ERN1: variants seen among roughly 807,000 people sequenced by gnomAD.
ERN1 encodes the protein endoplasmic reticulum to nucleus signaling 1, also known as serine/threonine-protein kinase/endoribonuclease IRE1.
A neutral mutation model predicts 113.1 loss-of-function variants in ERN1; 39 were observed. The observed-to-expected ratio is 0.34, with a 90% confidence interval of 0.27 to 0.45. The LOEUF is 0.45. Ranked by LOEUF, ERN1 falls within the 20% of genes least tolerant of loss-of-function variation. The probability of loss-of-function intolerance (pLI) is 1.00; values close to 1 mark genes in which losing one functional copy is unlikely to be tolerated. For synonymous variants in ERN1, 507 were observed against 515.9 expected (o/e 0.98, Z 0.23); for missense variants, 976 against 1,274.8 (o/e 0.77, Z 3.57).
chr17:64,055,647 A>G, intron 13 of ERN1, 28 bp downstream of exon 13: 2 of 1,539,158 alleles, frequency 1.3e-6, no homozygotes, highest in Non-Finnish European at 1.7e-6. Flanking sequence ...AAAACATAAA[A>G]TAGCACCAAG....
At chr17:64,089,428 C>A (rs185256519) in intron 2 of ERN1, among the ~76,000 whole-genome samples, 2 of 151,316 alleles carry the variant, frequency 1.3e-5, no homozygotes, top group Non-Finnish European at 2.9e-5. Context: ...TGAGCGCCAA[C>A]GTGATGTGCA....
intron 1 of ERN1, among the ~76,000 whole-genome samples, chr17:64,123,009 T>A (rs1204501456): frequency 3.9e-5 from 6 of 152,202 alleles, no homozygotes; most frequent in Non-Finnish European, 5.9e-5. Context: ...TATTACATTT[T>A]ATTTTTAATT....
chr17:64,101,736 G>C (rs1914389912), intron 1 of ERN1, among the ~76,000 whole-genome samples: 2 of 152,170 alleles, frequency 1.3e-5, no homozygotes, highest in African/African-American at 2.4e-5. Context: ...CAATAAGAAT[G>C]TATGCATCCA....
chr17:64,054,324 G>T lies in ERN1; in HGVS notation c.1879C>A (p.Arg627Ser). Residue 627 changes from arginine to serine, a missense_variant, in exon 15 of 22, where the codon CGC (arginine) becomes AGC (serine). Coordinates refer to ENST00000433197, the MANE Select transcript of ERN1 (RefSeq NM_001433.5). This position sits in a 1 kb window ranked among gnomAD's most constrained non-coding sequence, Gnocchi z 4.9. ...RESDEHPNVIRYFCTEKDRQF... is the reference protein window; with the variant it reads ...RESDEHPNVISYFCTEKDRQF... ...CGGTCCTTCTCCGTGCAGAAGTAGC[G>T]GATCACGTTCGGGTGCTCATCCGAT... The T allele has an allele frequency of 6.2e-7, 1 of 1,613,632 alleles. No individual in the cohort carries two copies.
intron 1 of ERN1, among the ~76,000 whole-genome samples, chr17:64,115,285 T>C (rs1009245913): frequency 6.6e-6 from 1 of 152,178 alleles, no homozygotes; most frequent in African/African-American, 2.4e-5. Context: ...TGGCTGACTC[T>C]TCTATTTCAA....
Position 64,060,188 on chromosome 17 carries a change from C to T in ERN1, c.1206+281G>A, listed in dbSNP as rs115252975. Among the ~76,000 whole-genome samples, 924 of 152,306 alleles carry T rather than the reference C, an allele frequency of 6.1e-3. 8 individuals carry two copies. Among genetic ancestry groups the T allele is most frequent in the African/African-American group, 0.021 (888 of 41,548 alleles). On this transcript the variant is annotated intron_variant, in intron 11 of 21. Coordinates refer to ENST00000433197, the MANE Select transcript of ERN1 (RefSeq NM_001433.5). ...GCTTTTGCCCTTGCTGTTCCATTCC[C>T]TCCTGTGCCCTCTTGCTCCCTCCAC...
rs539756429 is a variant in ERN1 at position 64,077,852 on chromosome 17, T to G, written c.282+1810A>C. Among the ~76,000 whole-genome samples, 36 of 152,192 alleles carry G rather than the reference T, an allele frequency of 2.4e-4. No homozygotes were observed. In the South Asian group the frequency reaches 7.5e-3, roughly 32 times the overall value. Reference sequence around the variant, plus strand: ...GCTCCACCTCCCGGGTTCACGCCATTTTCCTGCCTCAGCCTCCCAAGTAGC... The same window carrying G: ...GCTCCACCTCCCGGGTTCACGCCATGTTCCTGCCTCAGCCTCCCAAGTAGC... On this transcript the variant is annotated intron_variant, in intron 4 of 21. Coordinates refer to ENST00000433197, the MANE Select transcript of ERN1 (RefSeq NM_001433.5).
At chr17:64,101,965 T>C (rs749536768) in intron 1 of ERN1, among the ~76,000 whole-genome samples, 3 of 152,108 alleles carry the variant, frequency 2.0e-5, no homozygotes, top group Non-Finnish European at 2.9e-5. Flanking sequence ...CATTCTACAA[T>C]TGGTTTATGG....
intron 1 of ERN1, among the ~76,000 whole-genome samples, chr17:64,121,243 C>T (rs1914946606): frequency 6.6e-6 from 1 of 152,210 alleles, no homozygotes; most frequent in South Asian, 2.1e-4. Flanking sequence ...GGTGGCGCCT[C>T]TGCAAAGGCA....
intron 5 of ERN1, among the ~76,000 whole-genome samples, chr17:64,073,530 C>T (rs905158125): frequency 3.3e-5 from 5 of 151,414 alleles, no homozygotes; most frequent in South Asian, 4.2e-4. Context: ...CTCGCTCTGT[C>T]GCCCAGGCTG....
At chr17:64,093,617 G>C (rs1029335075) in intron 2 of ERN1, among the ~76,000 whole-genome samples, 1 of 152,192 alleles carries the variant, frequency 6.6e-6, no homozygotes, top group Admixed American at 6.5e-5. Flanking sequence ...GGTGGAGAGA[G>C]AATGAGCGAG....
At chr17:64,115,910 C>T (rs1410574234) in intron 1 of ERN1, among the ~76,000 whole-genome samples, 1 of 152,176 alleles carries the variant, frequency 6.6e-6, no homozygotes, top group Non-Finnish European at 1.5e-5. Flanking sequence ...GGCTTTGCTG[C>T]AGCTTCTTCT....
chr17:64,072,525 C>A (rs569625861), intron 5 of ERN1, among the ~76,000 whole-genome samples: 1 of 152,246 alleles, frequency 6.6e-6, no homozygotes, highest in Non-Finnish European at 1.5e-5. Flanking sequence ...ATTTCTCAAC[C>A]TCCCTAATAA....
intron 18 of ERN1, 102 bp from the exon 19 acceptor site, chr17:64,048,087 T>C: frequency 7.7e-6 from 8 of 1,043,426 alleles, no homozygotes; most frequent in Non-Finnish European, 1.1e-5. Flanking sequence ...TATGATTCTA[T>C]TTACAGGAAT....
intron 1 of ERN1, among the ~76,000 whole-genome samples, chr17:64,098,996 T>C (rs1914309092): frequency 6.6e-6 from 1 of 152,196 alleles, no homozygotes; most frequent in African/African-American, 2.4e-5. Context: ...GATCCTGTAA[T>C]TCCACTTCTA....
intron 1 of ERN1, among the ~76,000 whole-genome samples, chr17:64,112,061 T>C (rs1054574498): frequency 1.3e-5 from 2 of 152,072 alleles, no homozygotes; most frequent in Admixed American, 1.3e-4. Context: ...TATGTTTGGC[T>C]CGTGGTGTTC....
chr17:64,105,454 T>C (rs1914499351), intron 1 of ERN1, among the ~76,000 whole-genome samples: 1 of 152,186 alleles, frequency 6.6e-6, no homozygotes, highest in South Asian at 2.1e-4. Flanking sequence ...TGAATCTTCT[T>C]CCCATCACAC....
chr17:64,052,537 C>CA (rs5821416), intron 17 of ERN1, among the ~76,000 whole-genome samples: 2 of 144,880 alleles, frequency 1.4e-5, no homozygotes, highest in African/African-American at 5.1e-5. Flanking sequence ...ACCAACCAAA[C>CA]AAAAAAAAAA....
intron 1 of ERN1, among the ~76,000 whole-genome samples, chr17:64,126,970 TGA>T (rs1344422245): frequency 6.6e-6 from 1 of 152,178 alleles, no homozygotes; most frequent in African/African-American, 2.4e-5. Flanking sequence ...CTTTGGTAAT[TGA>T]GAGATGTGGC....
Sources: allele counts gnomAD v4.1 joint callset (sites outside exome capture counted in the v4.1 genomes callset), GRCh38; gene constraint gnomAD v4.1.1; non-coding constraint Gnocchi (gnomAD v3.1); transcripts MANE v1.5; gene names NCBI Gene and HGNC (gene_info 2026-07-23, HGNC 2026-07-21).